Variants in CAMK2D observed in about 807,000 individuals in gnomAD.
The protein encoded by CAMK2D is calcium/calmodulin-dependent protein kinase type II subunit delta.
In CAMK2D, 37 loss-of-function variants were observed where a neutral mutation model predicts 84.0. The ratio of observed to expected loss-of-function variants is 0.44; its 90% CI spans 0.34 to 0.58. CAMK2D has a LOEUF of 0.58. CAMK2D is among the 20% of genes least tolerant of loss of function. The pLI is 0.02. For synonymous variants in CAMK2D, 202 were observed against 212.5 expected (o/e 0.95, Z 0.43); for missense variants, 448 against 652.5 (o/e 0.69, Z 3.41).
chr4:113,454,679 G>T (rs1163695459), intron 20 of CAMK2D, among the ~76,000 whole-genome samples, 164 bp from the exon 21 acceptor site: 1 of 152,048 alleles, frequency 6.6e-6, no homozygotes, highest in African/African-American at 2.4e-5. Flanking sequence ...ATTACAAGAA[G>T]AAACATACAA....
chr4:113,576,405 A>G (rs965994776), intron 4 of CAMK2D, among the ~76,000 whole-genome samples: 12 of 152,300 alleles, frequency 7.9e-5, no homozygotes, highest in Non-Finnish European at 1.6e-4. Flanking sequence ...ACAATGAAGA[A>G]TAGTATAAAA....
intron 3 of CAMK2D, among the ~76,000 whole-genome samples, chr4:113,612,091 T>C (rs1421370926): frequency 6.6e-6 from 1 of 152,206 alleles, no homozygotes; most frequent in Non-Finnish European, 1.5e-5. Flanking sequence ...TTACTTACTA[T>C]ATTAACAAAA....
At chr4:113,655,956 A>G (rs953869171) in intron 3 of CAMK2D, among the ~76,000 whole-genome samples, 2 of 152,150 alleles carry the variant, frequency 1.3e-5, no homozygotes, top group African/African-American at 2.4e-5. Flanking sequence ...TGAATATCAA[A>G]TAATTTTGAG....
chr4:113,708,786 G>A (rs10026877), intron 2 of CAMK2D, among the ~76,000 whole-genome samples: 19,789 of 152,022 alleles, frequency 0.13, 1,384 homozygotes, highest in East Asian at 0.21. Context: ...GTGCAGTGGC[G>A]TAATCTCGGC....
At chr4:113,479,807 A>AAATCTCTCT (rs1232369748) in intron 16 of CAMK2D, among the ~76,000 whole-genome samples, 10 of 152,182 alleles carry the variant, frequency 6.6e-5, no homozygotes, top group African/African-American at 2.4e-4. Context: ...GGATTTATGG[A>AAATCTCTCT]CTGTTTTAAA....
intron 9 of CAMK2D, among the ~76,000 whole-genome samples, chr4:113,516,109 G>A (rs968561926): frequency 6.6e-6 from 1 of 152,126 alleles, no homozygotes; most frequent in East Asian, 1.9e-4. Context: ...TTGCCACTGT[G>A]TCATGGAATT....
At chr4:113,551,640 T>C (rs2098630296) in intron 5 of CAMK2D, among the ~76,000 whole-genome samples, 1 of 152,226 alleles carries the variant, frequency 6.6e-6, no homozygotes, top group Admixed American at 6.5e-5. Context: ...AATAAATTTT[T>C]AATTTAATTT....
chr4:113,601,407 G>A (rs983321352), intron 4 of CAMK2D, among the ~76,000 whole-genome samples: 3 of 151,226 alleles, frequency 2.0e-5, no homozygotes, highest in Non-Finnish European at 2.9e-5. Flanking sequence ...AAAGGAACAC[G>A]ATCCGGATAT....
At chr4:113,507,081 C>G (rs1441732946) in intron 13 of CAMK2D, among the ~76,000 whole-genome samples, 1 of 152,042 alleles carries the variant, frequency 6.6e-6, no homozygotes, top group Non-Finnish European at 1.5e-5. Flanking sequence ...GCAGTTAAAG[C>G]TTTTTTGTTA....
intron 4 of CAMK2D, among the ~76,000 whole-genome samples, chr4:113,575,531 T>C (rs2098776658): frequency 6.6e-6 from 1 of 152,226 alleles, no homozygotes; most frequent in Admixed American, 6.5e-5. Flanking sequence ...CAGTTTTTGG[T>C]GCTTAAGAAC....
At chr4:113,460,319 GATTT>G in intron 17 of CAMK2D, 78 bp from the exon 18 acceptor site, 1 of 828,212 alleles carries the variant, frequency 1.2e-6, no homozygotes, top group South Asian at 1.5e-5. Context: ...TAAACATTCT[GATTT>G]ACCAGTCACT....
chr4:113,740,466 C>T (rs1398977599), intron 2 of CAMK2D, among the ~76,000 whole-genome samples: 1 of 151,886 alleles, frequency 6.6e-6, no homozygotes, highest in East Asian at 1.9e-4. Context: ...TGAGTGGTTG[C>T]CTGGGTTTGA....
chr4:113,513,475 G>T, intron 11 of CAMK2D, 105 bp from the exon 12 acceptor site: 1 of 801,648 alleles, frequency 1.2e-6, no homozygotes, highest in Non-Finnish European at 2.2e-6. Flanking sequence ...CCTACTTTCA[G>T]TTAGGGGATT....
chr4:113,564,416 T>C (rs1457918521), intron 4 of CAMK2D, among the ~76,000 whole-genome samples: 2 of 152,194 alleles, frequency 1.3e-5, no homozygotes, highest in Admixed American at 6.5e-5. Context: ...GCTTATACAT[T>C]CTTCAAGAAA....
At chr4:113,741,064 C>A (rs1412341527) in intron 2 of CAMK2D, among the ~76,000 whole-genome samples, 1 of 152,136 alleles carries the variant, frequency 6.6e-6, no homozygotes, top group African/African-American at 2.4e-5. Context: ...TGCCTGTCAG[C>A]CATCTTAGTT....
chr4:113,489,077 A>C (rs964953296), intron 16 of CAMK2D, among the ~76,000 whole-genome samples: 2 of 152,212 alleles, frequency 1.3e-5, no homozygotes, highest in African/African-American at 4.8e-5. Flanking sequence ...TCAGTCATAT[A>C]AGTTACTAAT....
At chr4:113,528,153 A>G (rs1019981852) in intron 8 of CAMK2D, among the ~76,000 whole-genome samples, 2 of 152,118 alleles carry the variant, frequency 1.3e-5, no homozygotes, top group African/African-American at 2.4e-5. Context: ...TGAGTTATAT[A>G]ATACACTTTG....
At chr4:113,630,216 T>C in intron 3 of CAMK2D, among the ~76,000 whole-genome samples, 1 of 152,206 alleles carries the variant, frequency 6.6e-6, no homozygotes, top group South Asian at 2.1e-4. Flanking sequence ...AGAATAGTTT[T>C]TAAAAATGCC....
At chr4:113,495,133 A>C (rs987115129) in intron 16 of CAMK2D, among the ~76,000 whole-genome samples, 2 of 152,142 alleles carry the variant, frequency 1.3e-5, no homozygotes, top group Non-Finnish European at 1.5e-5. Flanking sequence ...TGTAGACCAG[A>C]GTTGTTCCTA....
Sources: allele counts gnomAD v4.1 joint callset (sites outside exome capture counted in the v4.1 genomes callset), GRCh38; gene constraint gnomAD v4.1.1; transcripts MANE v1.5; gene names NCBI Gene and HGNC (gene_info 2026-07-23, HGNC 2026-07-21).